The following FAT3 variants were observed in gnomAD, a reference collection of about 807,000 sequenced individuals.
FAT3 encodes protocadherin Fat 3.
In FAT3, 95 loss-of-function variants were observed where a neutral mutation model predicts 310.2. The ratio of observed to expected loss-of-function variants is 0.31; its 90% CI spans 0.26 to 0.36. The LOEUF (loss-of-function observed/expected upper bound fraction) is 0.36, where lower values mean the gene tolerates loss of function less well. Among genes scored for constraint, FAT3 ranks in the 10% least tolerant of loss-of-function variants. The probability of loss-of-function intolerance (pLI) is 1.00; values close to 1 mark genes in which losing one functional copy is unlikely to be tolerated. For missense variants in FAT3, 5,408 were observed against 5,715.6 expected, an observed-to-expected ratio of 0.95 and a Z score of 1.74; for synonymous variants, 2,314 against 2,192.9, an observed-to-expected ratio of 1.06 and a Z score of -1.54.
chr11:92,888,714 C>T (rs1449063526), intron 25 of FAT3, among the ~76,000 whole-genome samples: 1 of 152,144 alleles, frequency 6.6e-6, no homozygotes, highest in African/African-American at 2.4e-5. Context: ...ATTATGTGAC[C>T]GTGAAGCCAT....
Position 92,859,201 on chromosome 11 carries a change from T to C in FAT3, c.11537T>C (p.Ile3846Thr), listed in dbSNP as rs1949060092. ...TSLSFAGNSY[I>T]KYRLSENSKE... Reference sequence around the variant, plus strand: ...CTCAGCTTTGCTGGAAACAGTTACATCAAATATCGGCTTTCTGAAAATAGC... The same window carrying C: ...CTCAGCTTTGCTGGAAACAGTTACACCAAATATCGGCTTTCTGAAAATAGC... Residue 3846 changes from isoleucine to threonine, a missense_variant, in exon 21 of 28, where the codon ATC (isoleucine) becomes ACC (threonine). This residue lies in a region of FAT3 where 4,588 missense variants were observed against 4,809.8 expected (regional missense o/e 0.95). Coordinates refer to ENST00000525166, the MANE Select transcript of FAT3 (RefSeq NM_001367949.2). 1 of 1,613,706 alleles carries C rather than the reference T, an allele frequency of 6.2e-7. No homozygotes were observed. The highest frequency in any genetic ancestry group is 8.5e-7 in the Non-Finnish European group (1 of 1,179,850).
At chr11:92,762,799 C>T (rs1946189454) in intron 5 of FAT3, among the ~76,000 whole-genome samples, 1 of 152,116 alleles carries the variant, frequency 6.6e-6, no homozygotes, top group African/African-American at 2.4e-5. Context: ...CTGATCCCAA[C>T]CACTTTAGCC....
chr11:92,407,513 A>G (rs1367745035), intron 2 of FAT3, among the ~76,000 whole-genome samples: 4 of 152,192 alleles, frequency 2.6e-5, no homozygotes, highest in Non-Finnish European at 1.5e-5. Context: ...GCTTCAGTTC[A>G]TGCATTTACT....
At chr11:92,299,993 A>G (rs1946953093) in intron 1 of FAT3, among the ~76,000 whole-genome samples, 2 of 152,120 alleles carry the variant, frequency 1.3e-5, no homozygotes, top group African/African-American at 4.8e-5. Flanking sequence ...CATACATTCA[A>G]CAAACATTAT....
At chr11:92,552,526 G>A (rs1178970783) in intron 3 of FAT3, among the ~76,000 whole-genome samples, 3 of 152,114 alleles carry the variant, frequency 2.0e-5, no homozygotes, top group Non-Finnish European at 4.4e-5. Flanking sequence ...AATAGGGAAT[G>A]TACTTTATTC....
intron 21 of FAT3, among the ~76,000 whole-genome samples, chr11:92,862,036 C>T (rs1949132311): frequency 6.6e-6 from 1 of 152,198 alleles, no homozygotes; most frequent in Admixed American, 6.5e-5. Context: ...CTTCTGTTTA[C>T]CATTGATACC....
intron 3 of FAT3, among the ~76,000 whole-genome samples, chr11:92,587,826 G>A (rs910647981): frequency 6.6e-6 from 1 of 151,780 alleles, no homozygotes; most frequent in African/African-American, 2.4e-5. Flanking sequence ...CATTTTTGAG[G>A]GACAGGACAA....
chr11:92,425,173 G>T (rs1452118374), intron 2 of FAT3, among the ~76,000 whole-genome samples: 1 of 149,406 alleles, frequency 6.7e-6, no homozygotes, highest in Middle Eastern at 3.2e-3. Context: ...GAACAGCTCT[G>T]TGAATGAAGC....
At chr11:92,700,628 A>T (rs1944069600) in intron 4 of FAT3, among the ~76,000 whole-genome samples, 1 of 152,188 alleles carries the variant, frequency 6.6e-6, no homozygotes. Context: ...CTTTGGAGTG[A>T]AGATTTTTAA....
intron 2 of FAT3, among the ~76,000 whole-genome samples, chr11:92,426,376 TA>T (rs1353275021): frequency 2.6e-5 from 4 of 152,206 alleles, no homozygotes; most frequent in African/African-American, 9.6e-5. Context: ...CAGAAGCTCT[TA>T]AATTAGACCC....
At chr11:92,336,422 G>A in intron 1 of FAT3, 1 of 332,612 alleles carries the variant, frequency 3.0e-6, no homozygotes, top group Non-Finnish European at 5.8e-6. Context: ...AGCGGAGGTG[G>A]GTGGCCAAGA....
chr11:92,690,790 G>T (rs879390350), intron 3 of FAT3, among the ~76,000 whole-genome samples: 1 of 152,090 alleles, frequency 6.6e-6, no homozygotes, highest in Non-Finnish European at 1.5e-5. Context: ...AAATACTGCA[G>T]GGAATATTTT....
rs187933306 is a variant in FAT3 at position 92,383,401 on chromosome 11, T to C, written c.3292+27997T>C. Among the ~76,000 whole-genome samples the C allele has an allele frequency of 4.5e-3, 681 of 152,324 alleles. 10 individuals carry two copies. The highest frequency in any genetic ancestry group is 0.016 in the African/African-American group (645 of 41,578). On this transcript the variant is annotated intron_variant, in intron 2 of 27. Transcript: ENST00000525166. ...GCACCAGCATTCCAGATGATTCTAA[T>C]GTAGGTGATGTGCAGACCACAGTTT...
At chr11:92,493,848 A>C (rs917561184) in intron 2 of FAT3, among the ~76,000 whole-genome samples, 2 of 152,038 alleles carry the variant, frequency 1.3e-5, no homozygotes, top group African/African-American at 4.8e-5. Context: ...CCTGGGAATG[A>C]ACCACATGGG....
intron 3 of FAT3, among the ~76,000 whole-genome samples, chr11:92,623,096 G>A (rs1941160455): frequency 6.7e-6 from 1 of 148,872 alleles, no homozygotes; most frequent in African/African-American, 2.5e-5. Flanking sequence ...GTTCATCTCT[G>A]ATGTTGTCTT....
chr11:92,818,890 G>A (rs11827418), intron 13 of FAT3, among the ~76,000 whole-genome samples: 6,288 of 152,238 alleles, frequency 0.041, 435 homozygotes, highest in African/African-American at 0.14. Flanking sequence ...CTGCATGCAC[G>A]TTTCTTCTCT....
chr11:92,254,220 G>A (rs1297491371), intron 1 of FAT3, among the ~76,000 whole-genome samples: 3 of 152,088 alleles, frequency 2.0e-5, no homozygotes, highest in African/African-American at 7.2e-5. Flanking sequence ...TATTGAAATT[G>A]TACACCCTCT....
At chr11:92,332,209 T>A (rs1028421813) in intron 1 of FAT3, among the ~76,000 whole-genome samples, 2 of 152,204 alleles carry the variant, frequency 1.3e-5, no homozygotes, top group Non-Finnish European at 2.9e-5. Context: ...CACTGATTCT[T>A]TCTCAGACAG....
chr11:92,285,335 C>T (rs752894403), intron 1 of FAT3, among the ~76,000 whole-genome samples: 3 of 152,066 alleles, frequency 2.0e-5, no homozygotes, highest in Non-Finnish European at 4.4e-5. Flanking sequence ...TAAGGACAAG[C>T]TATTACTTAT....
Sources: allele counts gnomAD v4.1 joint callset (sites outside exome capture counted in the v4.1 genomes callset), GRCh38; gene constraint gnomAD v4.1.1; regional missense constraint gnomAD v4.1.1; transcripts MANE v1.5; gene names NCBI Gene and HGNC (gene_info 2026-07-23, HGNC 2026-07-21).